The following FBF1 variants were observed in gnomAD, a reference collection of about 807,000 sequenced individuals.
The protein encoded by FBF1 is fas-binding factor 1.
Under a neutral mutation model 147.2 loss-of-function variants are expected in FBF1, and 119 were observed. The observed-to-expected ratio is 0.81, with a 90% confidence interval of 0.70 to 0.94. The LOEUF (loss-of-function observed/expected upper bound fraction) is 0.94, where lower values mean the gene tolerates loss of function less well. Among genes scored for constraint, FBF1 ranks in the 40% least tolerant of loss-of-function variants. The pLI is 0.00. For synonymous variants in FBF1, 601 were observed against 609.0 expected (o/e 0.99, Z 0.19); for missense variants, 1,449 against 1,500.8 (o/e 0.97, Z 0.57).
chr17:75,939,317 A>AAAC lies in FBF1; in HGVS notation c.-83-1086_-83-1085insGTT, dbSNP rs375216079. Among the ~76,000 whole-genome samples the AAAC allele has an allele frequency of 3.8e-3, 537 of 140,556 alleles. 4 individuals carry two copies. The highest frequency in any genetic ancestry group is 0.013 in the African/African-American group (449 of 35,684). The allele number at this position is 140,556 out of a possible 152,430, so 92.2% of individuals were successfully genotyped here. On this transcript the variant is annotated intron_variant, in intron 1 of 29. Transcript: ENST00000636174. ...CTCCAAAAAAAAAAAAAAAAAAAAA[A>AAAC]CGTGCTCTGGATAACTTAATGGGCT...
In FBF1 at chr17:75,918,234, T is replaced by C; in HGVS notation, c.2174A>G (p.Glu725Gly). Residue 725 changes from glutamate to glycine, a missense_variant, in exon 21 of 30, where the codon GAG (glutamate) becomes GGG (glycine). Coordinates refer to ENST00000636174, the MANE Select transcript of FBF1 (RefSeq NM_001319193.2). The surrounding 1 kb of genome is among the most constrained non-coding windows in gnomAD (Gnocchi z 5.8). ...SILDMRRDHE[E>G]QLQRLKLLKD... ...CAGCAGCTTTAGCCGCTGCAGCTGC[T>C]CCTCGTGGTCTCTGCGCATGTCTAG... 1 of 1,613,472 alleles carries C rather than the reference T, an allele frequency of 6.2e-7. No individual in the cohort carries two copies. Among genetic ancestry groups the C allele is most frequent in the South Asian group, 1.1e-5 (1 of 91,076 alleles).
Position 75,915,144 on chromosome 17 carries a change from AG to A in FBF1, c.2506-6del, listed in dbSNP as rs1344553740. On this transcript the variant is annotated splice_polypyrimidine_tract_variant and splice_region_variant and intron_variant, in intron 23 of 29. Transcript: ENST00000636174. ...GGCAGTCACCCGCCAGCGTTCCTGT[AG>A]GGCCCAGGGCAGGACTGAGAGCGTG... 4.4e-6 allele frequency: 7 copies of A among 1,607,446 alleles called. No homozygotes were observed. Among genetic ancestry groups the A allele is most frequent in the East Asian group, 2.2e-5 (1 of 44,856 alleles).
At position 75,912,214 on chromosome 17, in the gene FBF1, A is replaced by C. The variant is rs560906216; in HGVS notation, c.3341T>G (p.Leu1114Arg). ...SPLHLHARLA[L>R]LRHMAEQDRD... ...CACCTGCTCTGCCATGTGCCTCAGC[A>C]GTGCCAGCCTGGCATGGAGGTGCAA... The change falls in exon 29 of 30, where the codon CTG becomes CGG. Residue 1114 changes from leucine to arginine, a missense_variant. Leu to Arg is a moderately radical substitution (Grantham distance 102, BLOSUM62 -2). Coordinates refer to ENST00000636174, the MANE Select transcript of FBF1 (RefSeq NM_001319193.2). 1.1e-5 allele frequency: 17 copies of C among 1,610,092 alleles called. 1 individual carries two copies. In the South Asian group the frequency reaches 1.9e-4, roughly 18 times the overall value.
chr17:75,912,795 C>T (rs1282493140), intron 28 of FBF1, among the ~76,000 whole-genome samples: 1 of 152,214 alleles, frequency 6.6e-6, no homozygotes, highest in Admixed American at 6.5e-5. Flanking sequence ...AATCCCAGCA[C>T]TTTGGGAGGC....
At chr17:75,934,136 A>C (rs2065610105) in intron 4 of FBF1, among the ~76,000 whole-genome samples, 2 of 152,264 alleles carry the variant, frequency 1.3e-5, no homozygotes, top group African/African-American at 4.8e-5. Context: ...AATATCTCAG[A>C]TATCCATCAA....
At chr17:75,926,199 A>G in intron 11 of FBF1, 36 bp from the exon 12 acceptor site, 1 of 1,605,490 alleles carries the variant, frequency 6.2e-7, no homozygotes, top group Middle Eastern at 1.7e-4. Context: ...ACGTGTAGGT[A>G]TGAGGGGCTC....
intron 1 of FBF1, among the ~76,000 whole-genome samples, chr17:75,938,793 T>C (rs555747048): frequency 1.1e-4 from 16 of 149,936 alleles, no homozygotes; most frequent in African/African-American, 3.9e-4. Flanking sequence ...TTGAACCCGC[T>C]AGACGGAGGT....
At chr17:75,937,104 G>A (rs772399401) in intron 3 of FBF1, among the ~76,000 whole-genome samples, 22 of 152,276 alleles carry the variant, frequency 1.4e-4, no homozygotes, top group Admixed American at 5.9e-4. Flanking sequence ...CTGAGGACCA[G>A]TGAGGCAACA....
Position 75,926,796 on chromosome 17 carries a change from G to A in FBF1, c.557C>T (p.Thr186Ile), listed in dbSNP as rs1381605582. 1 of 1,613,904 alleles carries A rather than the reference G, an allele frequency of 6.2e-7. No homozygotes were observed. The highest frequency in any genetic ancestry group is 2.2e-5 in the East Asian group (1 of 44,882). ...TGTGCTGGGGCTCTTGTCAGAAGCT[G>A]TTTTACTCTGTGTCACAGGCGGCTG... ...TKQPPVTQSKTASDKSPSTVR... is the reference protein window; with the variant it reads ...TKQPPVTQSKIASDKSPSTVR... The change falls in exon 10 of 30, where the codon ACA (threonine) becomes ATA (isoleucine). Residue 186 changes from threonine to isoleucine, a missense_variant. By Grantham distance (89) the Thr-to-Ile change is moderately conservative. Coordinates refer to ENST00000636174, the MANE Select transcript of FBF1 (RefSeq NM_001319193.2).
At position 75,919,538 on chromosome 17, in the gene FBF1, T is replaced by TG; in HGVS notation, c.2138+129dup. On this transcript the variant is annotated intron_variant, in intron 20 of 29. Coordinates refer to ENST00000636174, the MANE Select transcript of FBF1 (RefSeq NM_001319193.2). This position sits in a 1 kb window ranked among gnomAD's most constrained non-coding sequence, Gnocchi z 5.0. ...TGCTCAGCCCTCAGTCCTCACTCACTGGACTGGGAGGGAAGGACCCAACCC... is the reference window on the plus strand; with the variant it reads ...TGCTCAGCCCTCAGTCCTCACTCACTGGGACTGGGAGGGAAGGACCCAACCC... 2 of 1,032,532 alleles carry TG rather than the reference T, an allele frequency of 1.9e-6. No homozygotes were observed. Among genetic ancestry groups the TG allele is most frequent in the Non-Finnish European group, 2.8e-6 (2 of 713,620 alleles). 64.0% of individuals were successfully genotyped at this position (1,032,532 alleles called of 1,614,324 possible).
intron 23 of FBF1, among the ~76,000 whole-genome samples, chr17:75,915,641 A>G (rs888656066): frequency 6.6e-6 from 1 of 152,234 alleles, no homozygotes; most frequent in Non-Finnish European, 1.5e-5. Flanking sequence ...CTACGTTGAC[A>G]TGGCTACAGG....
intron 1 of FBF1, 104 bp from the exon 2 acceptor site, chr17:75,938,336 G>C: frequency 1.3e-6 from 1 of 782,180 alleles, no homozygotes; most frequent in Non-Finnish European, 2.1e-6. Context: ...CAAGGCGGGG[G>C]GATCACCTGA....
chr17:75,927,019 C>A, intron 9 of FBF1, 142 bp from the exon 10 acceptor site: 1 of 1,190,028 alleles, frequency 8.4e-7, no homozygotes, highest in Non-Finnish European at 1.2e-6. Context: ...GAGGGTGGGG[C>A]CTGGGGCAAC....
intron 3 of FBF1, among the ~76,000 whole-genome samples, chr17:75,936,187 G>A (rs1156670431): frequency 2.6e-5 from 4 of 152,152 alleles, no homozygotes; most frequent in Admixed American, 2.0e-4. Context: ...GGTGGCATGT[G>A]CCTGTAGTCC....
At position 75,926,398 on chromosome 17, in the gene FBF1, G is replaced by A. The variant is rs2065562192; in HGVS notation, c.624C>T (p.Asp208=). Residue 208 remains aspartate, a synonymous_variant, in exon 11 of 30, where the codon GAC becomes GAT. Transcript: ENST00000636174. ...ATTCTTCTTTTTTTCGGATGGGGGT[G>A]TCCCCAGGAGTTAGAGGAATAGAGG... ...QGPSIPLTPG[D]TPIRKKEELL... is the part of the protein sequence containing the mutation. 1.3e-6 allele frequency: 2 copies of A among 1,593,134 alleles called. No homozygotes were observed. The highest frequency in any genetic ancestry group is 1.7e-6 in the Non-Finnish European group (2 of 1,170,228).
rs1267551924 is a variant in FBF1, at chr17:75,923,967, C to A, written c.969-326G>T. 6.6e-6 allele frequency among the ~76,000 whole-genome samples: 1 copy of A among 152,128 alleles called. No homozygotes were observed. The highest frequency in any genetic ancestry group is 1.5e-5 in the Non-Finnish European group (1 of 68,024). On this transcript the variant is annotated intron_variant, in intron 13 of 29. Transcript: ENST00000636174. The surrounding 1 kb of genome is among the most constrained non-coding windows in gnomAD (Gnocchi z 4.1). The stretch of plus-strand genomic sequence containing the variant: ...GTGGCTCATGTCTGTAATCCCAGAT[C>A]TTTGGGAGGCCAGGGTGGGCAGATC...
intron 18 of FBF1, 37 bp from the exon 19 acceptor site, chr17:75,920,144 G>A (rs2065515912): frequency 1.9e-6 from 3 of 1,580,234 alleles, no homozygotes; most frequent in Non-Finnish European, 1.7e-6. Flanking sequence ...CCAGGGAGGG[G>A]AGGTGGCTGT....
chr17:75,931,010 G>C (rs1268179412), intron 6 of FBF1, among the ~76,000 whole-genome samples: 3 of 151,824 alleles, frequency 2.0e-5, no homozygotes, highest in Non-Finnish European at 4.4e-5. Flanking sequence ...CAGGAGAATT[G>C]CTTGACCCCG....
Position 75,923,611 on chromosome 17 carries a change from G to C in FBF1, c.999C>G (p.Pro333=). The change falls in exon 14 of 30, where the codon CCC becomes CCG. Residue 333 remains proline, a synonymous_variant. Coordinates refer to ENST00000636174, the MANE Select transcript of FBF1 (RefSeq NM_001319193.2). The surrounding 1 kb of genome is among the most constrained non-coding windows in gnomAD (Gnocchi z 4.1). ...SRFFADSGAD[P]KGEPGSKQSP... is the part of the protein sequence containing the mutation. ...TCTGTTTGGAGCCTGGTTCTCCCTT[G>C]GGGTCTGCGCCACTGTCTGCGAAGA... The C allele has an allele frequency of 1.9e-6, 3 of 1,609,652 alleles. No homozygotes were observed. Among genetic ancestry groups the C allele is most frequent in the Admixed American group, 1.7e-5 (1 of 59,556 alleles).
Sources: gnomAD v4.1 joint callset for allele counts (sites outside exome capture counted in the v4.1 genomes callset) on GRCh38, gnomAD v4.1.1 for gene constraint, Gnocchi (gnomAD v3.1) non-coding constraint, MANE v1.5 for transcripts, NCBI Gene and HGNC (gene_info 2026-07-23, HGNC 2026-07-21) for gene names.